Variants in VPS54 observed in about 807,000 individuals in gnomAD.
VPS54 encodes VPS54 subunit of GARP complex.
A neutral mutation model predicts 121.5 loss-of-function variants in VPS54; 45 were observed. The observed-to-expected ratio is 0.37, with a 90% CI of 0.29 to 0.47. VPS54 has a LOEUF of 0.47. VPS54 is among the 20% of genes least tolerant of loss of function. The pLI is 0.99. For missense variants in VPS54, 1,090 were observed against 1,131.4 expected (o/e 0.96, Z 0.52); for synonymous variants, 371 against 385.8 (o/e 0.96, Z 0.45).
chr2:63,906,159 T>C (rs955576104), intron 20 of VPS54, among the ~76,000 whole-genome samples: 3 of 152,176 alleles, frequency 2.0e-5, no homozygotes, highest in Non-Finnish European at 4.4e-5. Context: ...TATTCAACGT[T>C]GTGCTGAAAG....
At chr2:63,915,879 C>T (rs967034710) in intron 16 of VPS54, among the ~76,000 whole-genome samples, 2 of 152,080 alleles carry the variant, frequency 1.3e-5, no homozygotes, top group African/African-American at 4.8e-5. Context: ...ACGGTAAGAC[C>T]TCATCTCTAC....
chr2:63,961,517 T>C (rs1421093), intron 7 of VPS54, among the ~76,000 whole-genome samples: 49,698 of 151,890 alleles, frequency 0.33, 9,588 homozygotes, highest in Non-Finnish European at 0.43. Context: ...AATTAGTCTA[T>C]AAAATAAACA....
At position 64,019,377 on chromosome 2, in the gene VPS54, C is replaced by A. The variant is rs1678870244; in HGVS notation, c.-460G>T. The stretch of plus-strand genomic sequence containing the variant: ...GCCGGCCCAGCCGGCTCGGCCCGGT[C>A]GGGTGCGGGGAGACAGCGCCGGAGG... On this transcript the variant is annotated 5_prime_UTR_variant, in exon 1 of 23. Coordinates refer to ENST00000272322, the MANE Select transcript of VPS54 (RefSeq NM_016516.3). Among the ~76,000 whole-genome samples, 1 of 151,136 alleles carries A rather than the reference C, an allele frequency of 6.6e-6. No individual in the cohort carries two copies. The highest frequency in any genetic ancestry group is 1.5e-5 in the Non-Finnish European group (1 of 67,740).
chr2:64,016,152 GAT>G (rs1678679959), intron 1 of VPS54, among the ~76,000 whole-genome samples: 1 of 152,088 alleles, frequency 6.6e-6, no homozygotes, highest in Admixed American at 6.5e-5. Flanking sequence ...TCTTTTCCCT[GAT>G]ATTCTAATAT....
At chr2:63,970,455 T>C (rs971530700) in intron 4 of VPS54, among the ~76,000 whole-genome samples, 1 of 151,896 alleles carries the variant, frequency 6.6e-6, no homozygotes, top group African/African-American at 2.4e-5. Flanking sequence ...CTGTAGTCAA[T>C]AATCTATCTC....
chr2:63,900,902 A>G (rs2104404582), intron 20 of VPS54, among the ~76,000 whole-genome samples: 1 of 152,200 alleles, frequency 6.6e-6, no homozygotes, highest in South Asian at 2.1e-4. Context: ...AGCTGGGACT[A>G]CAGGTACTTG....
At chr2:63,915,299 T>C (rs980004746) in intron 16 of VPS54, among the ~76,000 whole-genome samples, 1 of 151,840 alleles carries the variant, frequency 6.6e-6, no homozygotes, top group Non-Finnish European at 1.5e-5. Context: ...TCATAGGATA[T>C]CTAAGTTCAA....
At chr2:63,964,762 A>T (rs1675913147) in intron 6 of VPS54, among the ~76,000 whole-genome samples, 1 of 152,210 alleles carries the variant, frequency 6.6e-6, no homozygotes, top group African/African-American at 2.4e-5. Context: ...ACTGAACCTG[A>T]TATTATTGAT....
At chr2:63,984,312 C>G (rs1676941832) in intron 1 of VPS54, among the ~76,000 whole-genome samples, 1 of 152,182 alleles carries the variant, frequency 6.6e-6, no homozygotes, top group South Asian at 2.1e-4. Flanking sequence ...ATTCATTCAG[C>G]AAGTACACAG....
rs1199080587 is a variant in VPS54, at chr2:63,944,611, A to G, written c.1290T>C (p.Asp430=). 7.5e-6 allele frequency: 12 copies of G among 1,610,010 alleles called. No homozygotes were observed. Among genetic ancestry groups the G allele is most frequent in the Non-Finnish European group, 9.3e-6 (11 of 1,178,276 alleles). Residue 430 remains aspartate (D), a synonymous_variant, in exon 10 of 23, where the codon GAT becomes GAC. Transcript: ENST00000272322. The part of the protein sequence containing the change: ...KVSQTEEIDT[D]VVVKLADQMR... Reference sequence around the variant, plus strand: ...ATATTTATACTTACTTCACAACAACATCTGTGTCTATTTCTTCTGTTTGTG... The same window carrying G: ...ATATTTATACTTACTTCACAACAACGTCTGTGTCTATTTCTTCTGTTTGTG...
At position 63,913,211 on chromosome 2, in the gene VPS54, A is replaced by C; in HGVS notation, c.2422+12T>G. The C allele has an allele frequency of 6.2e-7, 1 of 1,606,174 alleles. No homozygotes were observed. The highest frequency in any genetic ancestry group is 8.5e-7 in the Non-Finnish European group (1 of 1,176,570). On this transcript the variant is annotated intron_variant, in intron 18 of 22. Transcript: ENST00000272322. Reference sequence around the variant, plus strand: ...ACACTTCAGCAAGTGAATTAAACGCAAGAATCCATACCCAAATTTTTTGTA... The same window carrying C: ...ACACTTCAGCAAGTGAATTAAACGCCAGAATCCATACCCAAATTTTTTGTA...
In VPS54 at chr2:63,892,369, G is replaced by A. The variant is rs1672256751; in HGVS notation, c.*1061C>T. The A allele has an allele frequency of 6.6e-6, 1 of 152,144 alleles. No individual in the cohort carries two copies. Among genetic ancestry groups the A allele is most frequent in the African/African-American group, 2.4e-5 (1 of 41,422 alleles). 9.4% of individuals were successfully genotyped at this position (152,144 alleles called of 1,614,324 possible). On this transcript the variant is annotated 3_prime_UTR_variant, in exon 23 of 23. Coordinates refer to ENST00000272322, the MANE Select transcript of VPS54 (RefSeq NM_016516.3). ...AGCACAGGCACTTTATTTGTACAGT[G>A]CTGCTGATTCTAATTTTGAAGGTAG...
rs747731456 is a variant in VPS54 at position 63,909,725 on chromosome 2, G to GTTTTTGTTTTTTTTTTTTTT, written c.2625+2619_2625+2620insAAAAAAAAAAAAAACAAAAA. Among the ~76,000 whole-genome samples the GTTTTTGTTTTTTTTTTTTTT allele has an allele frequency of 9.8e-4, 113 of 115,230 alleles. 9 individuals are homozygous for GTTTTTGTTTTTTTTTTTTTT. Among genetic ancestry groups the GTTTTTGTTTTTTTTTTTTTT allele is most frequent in the Non-Finnish European group, 1.4e-3 (78 of 55,486 alleles). 75.6% of individuals were successfully genotyped at this position (115,230 alleles called of 152,430 possible). A position where few individuals can be genotyped will look rare whatever the true frequency, so the allele number is the denominator to read the frequency against. ...AAGCGACCTCGCCTGGCCGTTTTTG[G>GTTTTTGTTTTTTTTTTTTTT]TTTTTTTTTTTTTTTTGAGACAGAG... On this transcript the variant is annotated intron_variant, in intron 20 of 22. Transcript: ENST00000272322.
chr2:63,921,456 G>A (rs1446421474), intron 12 of VPS54, 121 bp from the exon 13 acceptor site: 3 of 1,023,690 alleles, frequency 2.9e-6, no homozygotes, highest in Non-Finnish European at 4.2e-6. Context: ...AAAATTCTAT[G>A]ATGTACCAAA....
chr2:63,902,608 T>G (rs545326897), intron 20 of VPS54, among the ~76,000 whole-genome samples: 1 of 150,988 alleles, frequency 6.6e-6, no homozygotes, highest in South Asian at 2.1e-4. Context: ...TGTCAAGAAA[T>G]AAAGCAACCA....
chr2:63,937,275 A>T (rs1215628361), intron 11 of VPS54, among the ~76,000 whole-genome samples: 3 of 152,012 alleles, frequency 2.0e-5, no homozygotes, highest in Admixed American at 2.0e-4. Context: ...TATCCAGAAT[A>T]TGTAAAGAAC....
At chr2:64,014,049 G>A (rs1042043962) in intron 1 of VPS54, among the ~76,000 whole-genome samples, 1 of 148,246 alleles carries the variant, frequency 6.7e-6, no homozygotes, top group Non-Finnish European at 1.5e-5. Flanking sequence ...AAATTTGCTG[G>A]GCGTAGTGAC....
intron 5 of VPS54, 95 bp downstream of exon 5, chr2:63,968,862 T>C (rs1414851148): frequency 2.9e-5 from 23 of 798,074 alleles, no homozygotes; most frequent in Non-Finnish European, 3.7e-5. Context: ...AGCCAAAGGG[T>C]CAAAAAAAAA....
intron 9 of VPS54, among the ~76,000 whole-genome samples, chr2:63,946,996 TA>T (rs1248581099): frequency 6.6e-6 from 1 of 151,998 alleles, no homozygotes; most frequent in Non-Finnish European, 1.5e-5. Context: ...TATTAAATTA[TA>T]AACAACCTAA....
Sources: gnomAD v4.1 joint callset for allele counts (sites outside exome capture counted in the v4.1 genomes callset) on GRCh38, gnomAD v4.1.1 for gene constraint, MANE v1.5 for transcripts, NCBI Gene and HGNC (gene_info 2026-07-23, HGNC 2026-07-21) for gene names.